The following CEP112 variants were observed in gnomAD, a reference collection of about 807,000 sequenced individuals.
CEP112 encodes the protein centrosomal protein of 112 kDa.
CEP112 carries 127 observed loss-of-function variants against 153.0 expected under a neutral mutation model. That is an observed-to-expected ratio of 0.83 (90% CI 0.72 to 0.96). The LOEUF is 0.96. Among genes scored for constraint, CEP112 ranks in the 40% least tolerant of loss-of-function variants. The pLI is 0.00. For missense variants in CEP112, 1,089 were observed against 1,101.2 expected, an observed-to-expected ratio of 0.99 and a Z score of 0.16; for synonymous variants, 358 against 374.4, an observed-to-expected ratio of 0.96 and a Z score of 0.51.
rs958226463 is a variant in CEP112, at chr17:65,703,815, A to G, written c.2608-14597T>C. On this transcript the variant is annotated intron_variant, in intron 23 of 26. Coordinates refer to ENST00000535342, the MANE Select transcript of CEP112 (RefSeq NM_001199165.4). ...TTTAATCTAACAAATTAAAATGTAC[A>G]AAAAAAAAAACCCAGAAAAACAAGT... 4.4e-3 allele frequency among the ~76,000 whole-genome samples: 106 copies of G among 24,042 alleles called. No homozygotes were observed. In the African/African-American group the frequency reaches 0.14, roughly 33 times the overall value. 15.8% of individuals were successfully genotyped at this position (24,042 alleles called of 152,430 possible). A position where few individuals can be genotyped will look rare whatever the true frequency, so the allele number is the denominator to read the frequency against.
intron 4 of CEP112, among the ~76,000 whole-genome samples, chr17:66,168,847 T>C (rs913701702): frequency 6.6e-6 from 1 of 152,050 alleles, no homozygotes; most frequent in Non-Finnish European, 1.5e-5. Flanking sequence ...ATAGGGAACA[T>C]CCCACCACTA....
At chr17:66,178,551 T>A (rs1161084768) in intron 2 of CEP112, among the ~76,000 whole-genome samples, 1 of 152,186 alleles carries the variant, frequency 6.6e-6, no homozygotes, top group Non-Finnish European at 1.5e-5. Context: ...GCAGAAGCTT[T>A]TTAACATGAT....
chr17:65,959,626 T>G (rs2062126432), intron 18 of CEP112, among the ~76,000 whole-genome samples: 1 of 152,152 alleles, frequency 6.6e-6, no homozygotes. Flanking sequence ...CCTCCTTGGG[T>G]TCCTGTGGTT....
chr17:65,969,206 C>G (rs1033276176), intron 17 of CEP112, among the ~76,000 whole-genome samples: 2 of 151,820 alleles, frequency 1.3e-5, no homozygotes, highest in Non-Finnish European at 2.9e-5. Flanking sequence ...CTCAGCCTCC[C>G]AAGTAGCTGG....
intron 21 of CEP112, among the ~76,000 whole-genome samples, chr17:65,776,327 C>T (rs1282968310): frequency 6.6e-6 from 1 of 152,160 alleles, no homozygotes; most frequent in African/African-American, 2.4e-5. Context: ...CTCCGCCTCC[C>T]GAGTTCACAC....
intron 6 of CEP112, among the ~76,000 whole-genome samples, chr17:66,123,497 A>G (rs2069695170): frequency 6.6e-6 from 1 of 152,216 alleles, no homozygotes; most frequent in Non-Finnish European, 1.5e-5. Flanking sequence ...GTTCTTACCA[A>G]GCTGTAGTTG....
At chr17:65,770,928 T>TAAAAAA (rs34049976) in intron 21 of CEP112, among the ~76,000 whole-genome samples, 5 of 124,292 alleles carry the variant, frequency 4.0e-5, no homozygotes, top group East Asian at 2.5e-4. Context: ...GACTCCGTCT[T>TAAAAAA]AAAAAAAAAA....
At chr17:65,720,649 A>C (rs1220905657) in intron 23 of CEP112, among the ~76,000 whole-genome samples, 3 of 152,210 alleles carry the variant, frequency 2.0e-5, no homozygotes, top group African/African-American at 7.2e-5. Flanking sequence ...TACAGACAGA[A>C]GCTAGAAGGG....
intron 20 of CEP112, among the ~76,000 whole-genome samples, chr17:65,862,541 T>C (rs950434765): frequency 2.0e-5 from 3 of 152,270 alleles, no homozygotes; most frequent in Admixed American, 1.3e-4. Flanking sequence ...TGAGCCGAGA[T>C]CGTGCCACTG....
chr17:65,648,104 T>G (rs137920980), intron 24 of CEP112, among the ~76,000 whole-genome samples: 3 of 152,172 alleles, frequency 2.0e-5, no homozygotes, highest in African/African-American at 7.2e-5. Flanking sequence ...ACGAAGGTAT[T>G]CAAAGGCTGG....
At chr17:65,948,782 A>G (rs1828993242) in intron 18 of CEP112, among the ~76,000 whole-genome samples, 1 of 151,588 alleles carries the variant, frequency 6.6e-6, no homozygotes, top group South Asian at 2.1e-4. Context: ...AATTTTTTAA[A>G]AAGTTTAAGT....
intron 21 of CEP112, among the ~76,000 whole-genome samples, chr17:65,783,145 C>G (rs2054092113): frequency 6.6e-6 from 1 of 151,708 alleles, no homozygotes; most frequent in Non-Finnish European, 1.5e-5. Flanking sequence ...TTTCTCAAAA[C>G]AAGATACACA....
chr17:66,158,312 CAGAAATAA>C (rs1293445304), intron 4 of CEP112, among the ~76,000 whole-genome samples: 1 of 152,010 alleles, frequency 6.6e-6, no homozygotes, highest in Non-Finnish European at 1.5e-5. Context: ...AAAATTAAGG[CAGAAATAA>C]AGATATTCTT....
chr17:65,926,763 T>C (rs186536626), intron 19 of CEP112, among the ~76,000 whole-genome samples: 1 of 151,764 alleles, frequency 6.6e-6, no homozygotes, highest in East Asian at 1.9e-4. Context: ...ATTATTTCAC[T>C]TTTTAATTTG....
chr17:65,797,454 A>G lies in CEP112; in HGVS notation c.2395-46730T>C, dbSNP rs1170310014. On this transcript the variant is annotated intron_variant, in intron 21 of 26. Coordinates refer to ENST00000535342, the MANE Select transcript of CEP112 (RefSeq NM_001199165.4). ...CAGTTTGTTTACCATTTGGGAGGAT[A>G]AAGATACCTGCTGATCTCTTAGGCT... Among the ~76,000 whole-genome samples the G allele has an allele frequency of 2.0e-5, 3 of 152,184 alleles. No homozygotes were observed. The East Asian group carries it at 5.8e-4, about 29-fold the overall frequency.
Position 66,129,765 on chromosome 17 carries a change from A to G in CEP112, c.623T>C (p.Leu208Pro). The G allele has an allele frequency of 1.2e-6, 2 of 1,612,112 alleles. No individual in the cohort carries two copies. Among genetic ancestry groups the G allele is most frequent in the Non-Finnish European group, 1.7e-6 (2 of 1,178,986 alleles). The change falls in exon 6 of 27, where the codon CTT (leucine) becomes CCT (proline). Residue 208 changes from leucine (L) to proline (P), a missense_variant. By Grantham distance (98) the Leu-to-Pro change is moderately conservative. Transcript: ENST00000535342. ...TTTTACCCCAAGATTCCAACTATTA[A>G]GGCGAGCTTCAATGTCACTATCATC... ...SLDDSDIEAR[L>P]NSWNLGIENP...
intron 19 of CEP112, among the ~76,000 whole-genome samples, chr17:65,923,833 T>C (rs1432795518): frequency 6.6e-6 from 1 of 152,198 alleles, no homozygotes; most frequent in East Asian, 1.9e-4. Flanking sequence ...TTTACTTCAA[T>C]GGGATCATAA....
At chr17:65,656,374 T>G (rs1488105960) in intron 24 of CEP112, among the ~76,000 whole-genome samples, 2 of 152,186 alleles carry the variant, frequency 1.3e-5, no homozygotes, top group African/African-American at 4.8e-5. Context: ...TGTCTTTGGA[T>G]TTTTCAGTTT....
chr17:65,669,055 C>T (rs1205780202), intron 24 of CEP112, among the ~76,000 whole-genome samples: 1 of 152,162 alleles, frequency 6.6e-6, no homozygotes, highest in East Asian at 1.9e-4. Context: ...GTTCTAGTCT[C>T]GCAGTGAATT....
Sources: gnomAD v4.1 joint callset for allele counts (sites outside exome capture counted in the v4.1 genomes callset) on GRCh38, gnomAD v4.1.1 for gene constraint, MANE v1.5 for transcripts, NCBI Gene and HGNC (gene_info 2026-07-23, HGNC 2026-07-21) for gene names.